TCF7L2: variants seen among roughly 807,000 people sequenced by gnomAD.
TCF7L2 encodes the protein transcription factor 7-like 2.
TCF7L2 carries 23 observed loss-of-function variants against 77.9 expected under a neutral mutation model. The ratio of observed to expected loss-of-function variants is 0.30; its 90% CI spans 0.21 to 0.42. The LOEUF (loss-of-function observed/expected upper bound fraction) is 0.42. TCF7L2 is among the 10% of genes least tolerant of loss of function. TCF7L2 has a pLI of 1.00. For missense variants in TCF7L2, 654 were observed against 793.1 expected, an observed-to-expected ratio of 0.82 and a Z score of 2.11; for synonymous variants, 413 against 340.2, an observed-to-expected ratio of 1.21 and a Z score of -2.36.
chr10:113,133,273 CCTT>C (rs1368790900), intron 5 of TCF7L2: 6 of 152,128 alleles, frequency 3.9e-5, no homozygotes, highest in African/African-American at 1.4e-4. Context: ...CATCTCAACA[CCTT>C]CTTTATTTTC....
chr10:113,132,871 G>T (rs1045555442), intron 5 of TCF7L2: 2 of 152,156 alleles, frequency 1.3e-5, no homozygotes, highest in Admixed American at 6.6e-5. Flanking sequence ...AGAGGATTAG[G>T]ACAGAGGGCC....
chr10:112,984,291 C>A (rs762003085), intron 4 of TCF7L2, among the ~76,000 whole-genome samples: 1 of 152,150 alleles, frequency 6.6e-6, no homozygotes, highest in Non-Finnish European at 1.5e-5. Context: ...CTTTGTGAAT[C>A]AGAAAGCTAT....
rs561739545 is a variant in TCF7L2, at chr10:113,150,157, CTG to C, written c.876-839_876-838del. 6.6e-5 allele frequency among the ~76,000 whole-genome samples: 10 copies of C among 152,258 alleles called. No individual in the cohort carries two copies. In the South Asian group the frequency reaches 1.9e-3, roughly 28 times the overall value. On this transcript the variant is annotated intron_variant, in intron 8 of 13. Transcript: ENST00000627217. ...GCAGCATGAGAGGAGAAAACACAAACTGTATCTTTCATTTATAATTTTGATAA... is the reference window on the plus strand; with the variant it reads ...GCAGCATGAGAGGAGAAAACACAAACTATCTTTCATTTATAATTTTGATAA...
At chr10:113,075,907 G>A (rs948411968) in intron 5 of TCF7L2, among the ~76,000 whole-genome samples, 3 of 151,872 alleles carry the variant, frequency 2.0e-5, no homozygotes, top group Non-Finnish European at 4.4e-5. Flanking sequence ...AGGCTGAGGC[G>A]AGTTGATCAC....
At position 113,143,918 on chromosome 10, in the gene TCF7L2, C is replaced by T. The variant is rs2068823245; in HGVS notation, c.686-5C>T. The stretch of plus-strand genomic sequence containing the variant: ...TTGTACCTAAAATGCTGCTTCTTCC[C>T]TCAGGAATCCCACGGCCTCCGCACC... On this transcript the variant is annotated splice_polypyrimidine_tract_variant and splice_region_variant and intron_variant, in intron 6 of 13. Transcript: ENST00000627217. The T allele has an allele frequency of 1.2e-6, 2 of 1,611,734 alleles. No individual in the cohort carries two copies. Among genetic ancestry groups the T allele is most frequent in the African/African-American group, 2.7e-5 (2 of 74,976 alleles).
chr10:113,081,966 T>C (rs2059355650), intron 5 of TCF7L2, among the ~76,000 whole-genome samples: 1 of 152,104 alleles, frequency 6.6e-6, no homozygotes, highest in East Asian at 1.9e-4. Context: ...GCCTCCTGAG[T>C]ATGTGGGATT....
chr10:113,028,459 A>C (rs2049607281), intron 4 of TCF7L2, among the ~76,000 whole-genome samples: 1 of 152,136 alleles, frequency 6.6e-6, no homozygotes, highest in African/African-American at 2.4e-5. Flanking sequence ...GCATCTCCAC[A>C]TGTTTGTCAC....
chr10:113,164,861 G>C (rs1238287641), intron 13 of TCF7L2, among the ~76,000 whole-genome samples: 1 of 151,468 alleles, frequency 6.6e-6, no homozygotes, highest in East Asian at 1.9e-4. Context: ...TCTTGATTTG[G>C]TGTGGTTCTT....
intron 5 of TCF7L2, among the ~76,000 whole-genome samples, chr10:113,070,912 C>A (rs2057923033): frequency 1.3e-5 from 2 of 152,148 alleles, no homozygotes; most frequent in Admixed American, 6.5e-5. Context: ...TCCACAAAAC[C>A]CCCGTGTCTC....
rs61481377 is a variant in TCF7L2 at position 112,985,860 on chromosome 10, T to TTGTGTGTGTGTGTGTG, written c.450+21253_450+21268dup. ...TTTAGCTTGGAAAGAAGCCTGTAGTTTGTGTGTGTGTGTGTGTGTGTGTGT... is the reference window on the plus strand; with the variant it reads ...TTTAGCTTGGAAAGAAGCCTGTAGTTTGTGTGTGTGTGTGTGTGTGTGTGTGTGTGTGTGTGTGTGT... On this transcript the variant is annotated intron_variant, in intron 4 of 13. Transcript: ENST00000627217. Among the ~76,000 whole-genome samples, 624 of 146,692 alleles carry TTGTGTGTGTGTGTGTG rather than the reference T, an allele frequency of 4.3e-3. 2 individuals are homozygous for TTGTGTGTGTGTGTGTG. The highest frequency in any genetic ancestry group is 6.3e-3 in the Non-Finnish European group (420 of 66,512).
intron 4 of TCF7L2, among the ~76,000 whole-genome samples, chr10:113,008,127 T>G (rs994892036): frequency 1.3e-5 from 2 of 152,240 alleles, no homozygotes; most frequent in Admixed American, 6.5e-5. Flanking sequence ...ACACTTTGGT[T>G]GTTGTTTAAT....
intron 4 of TCF7L2, among the ~76,000 whole-genome samples, chr10:113,033,184 TTTCCTCCTCCTCCTTCCC>T: frequency 6.6e-6 from 1 of 151,122 alleles, no homozygotes; most frequent in African/African-American, 2.4e-5. Flanking sequence ...CCCTCCCTCC[TTTCCTCCTCCTCCTTCCC>T]TTCCTCCTCC....
At chr10:113,036,186 G>T (rs1480123887) in intron 4 of TCF7L2, among the ~76,000 whole-genome samples, 1 of 151,350 alleles carries the variant, frequency 6.6e-6, no homozygotes, top group Non-Finnish European at 1.5e-5. Flanking sequence ...TTTTCTGCTT[G>T]TTTAGAAAAG....
At chr10:112,982,264 A>T (rs1376901442) in intron 4 of TCF7L2, among the ~76,000 whole-genome samples, 2 of 152,022 alleles carry the variant, frequency 1.3e-5, no homozygotes, top group East Asian at 3.9e-4. Flanking sequence ...AAACTTTTTA[A>T]TTGGGCAGGT....
At chr10:113,048,761 G>A (rs1318251798) in intron 5 of TCF7L2, among the ~76,000 whole-genome samples, 2 of 152,092 alleles carry the variant, frequency 1.3e-5, no homozygotes, top group Admixed American at 1.3e-4. Context: ...CCTCAATCTT[G>A]GTTTACGATG....
chr10:113,056,225 A>G (rs1353171620), intron 5 of TCF7L2, among the ~76,000 whole-genome samples: 1 of 152,236 alleles, frequency 6.6e-6, no homozygotes, highest in African/African-American at 2.4e-5. Context: ...TAGATAATTT[A>G]TGAAGTAAGT....
Position 112,951,256 on chromosome 10 carries a change from G to T in TCF7L2, c.239G>T (p.Arg80Leu). Reference sequence around the variant, plus strand: ...TCCGAAAGTTTCCGAGACAAATCCCGGGAAAGTTTGGAAGAAGGTGAGTAC... The same window carrying T: ...TCCGAAAGTTTCCGAGACAAATCCCTGGAAAGTTTGGAAGAAGGTGAGTAC... The change falls in exon 2 of 14, where the codon CGG (arginine) becomes CTG (leucine). Residue 80 changes from arginine to leucine, a missense_variant. Arg to Leu is a moderately radical substitution (Grantham distance 102). This residue lies in a region of TCF7L2 where 132 missense variants were observed against 123.7 expected (regional missense o/e 1.07). Coordinates refer to ENST00000627217, the MANE Select transcript of TCF7L2 (RefSeq NM_001146274.2). 6.4e-7 allele frequency: 1 copy of T among 1,563,456 alleles called. No homozygotes were observed. The highest frequency in any genetic ancestry group is 8.6e-7 in the Non-Finnish European group (1 of 1,157,328).
At chr10:113,146,165 C>A in intron 8 of TCF7L2, 68 bp downstream of exon 8, 1 of 1,394,302 alleles carries the variant, frequency 7.2e-7, no homozygotes, top group Non-Finnish European at 1.0e-6. Context: ...CTCTAGATGG[C>A]CACCAAGCCA....
chr10:113,085,729 A>G (rs953571507), intron 5 of TCF7L2, among the ~76,000 whole-genome samples: 5 of 152,236 alleles, frequency 3.3e-5, no homozygotes, highest in African/African-American at 1.2e-4. Context: ...AGTCAAACCC[A>G]GCAGCCCTGT....
Sources: gnomAD v4.1 joint callset for allele counts (sites outside exome capture counted in the v4.1 genomes callset) on GRCh38, gnomAD v4.1.1 for gene constraint, gnomAD v4.1.1 regional missense constraint, MANE v1.5 for transcripts, NCBI Gene and HGNC (gene_info 2026-07-23, HGNC 2026-07-21) for gene names.